DOT1L: variants seen among roughly 807,000 people sequenced by gnomAD.
DOT1L encodes DOT1 like histone lysine methyltransferase, also known as histone-lysine N-methyltransferase, H3 lysine-79 specific.
DOT1L carries 33 observed loss-of-function variants against 153.3 expected under a neutral mutation model. The ratio of observed to expected loss-of-function variants is 0.22; its 90% CI spans 0.16 to 0.29. DOT1L has a LOEUF of 0.29. DOT1L is among the 10% of genes least tolerant of loss of function. The pLI, the probability that DOT1L is intolerant of heterozygous loss-of-function variation, is 1.00. For synonymous variants in DOT1L, 1,135 were observed against 965.1 expected (o/e 1.18, Z -3.26); for missense variants, 1,847 against 2,119.9 (o/e 0.87, Z 2.53).
chr19:2,207,137 C>T lies in DOT1L; in HGVS notation c.856+340C>T, dbSNP rs2023529396. Among the ~76,000 whole-genome samples, 1 of 152,210 alleles carries T rather than the reference C, an allele frequency of 6.6e-6. No homozygotes were observed. The highest frequency in any genetic ancestry group is 2.4e-5 in the African/African-American group (1 of 41,460). On this transcript the variant is annotated intron_variant, in intron 10 of 27. Coordinates refer to ENST00000398665, the MANE Select transcript of DOT1L (RefSeq NM_032482.3). The surrounding 1 kb of genome is among the most constrained non-coding windows in gnomAD (Gnocchi z 4.5). Reference sequence around the variant, plus strand: ...AGACAGGCCCACGGTGGGAAGGAGCCGGCCCCTCCCATGCCCCCTGCCTGC... The same window carrying T: ...AGACAGGCCCACGGTGGGAAGGAGCTGGCCCCTCCCATGCCCCCTGCCTGC...
chr19:2,180,884 G>T lies in DOT1L; in HGVS notation c.125+128G>T, dbSNP rs559530300. ...GGACTCCTGGAGGTGTTGTGAAGCG[G>T]ATCAGGGGTGACTCAGGGACGGGTA... On this transcript the variant is annotated intron_variant, in intron 2 of 27. Coordinates refer to ENST00000398665, the MANE Select transcript of DOT1L (RefSeq NM_032482.3). 1.0e-4 allele frequency: 111 copies of T among 1,108,538 alleles called. 2 individuals are homozygous for T. In the African/African-American group the frequency reaches 1.5e-3, roughly 15 times the overall value. 68.7% of individuals were successfully genotyped at this position (1,108,538 alleles called of 1,614,324 possible).
chr19:2,225,428 T>C lies in DOT1L; in HGVS notation c.3637T>C (p.Ser1213Pro). ...KIATISLESK[S>P]PPKTLENGGG... ...TGCAACAATCTCCTTAGAAAGCAAATCTCCCCCGAAAACCTTGGAAAATGG... is the reference window on the plus strand; with the variant it reads ...TGCAACAATCTCCTTAGAAAGCAAACCTCCCCCGAAAACCTTGGAAAATGG... The change falls in exon 26 of 28, where the codon TCT (serine) becomes CCT (proline). Residue 1213 changes from serine to proline, a missense_variant. Ser to Pro is a moderately conservative substitution (Grantham distance 74, BLOSUM62 -1). Transcript: ENST00000398665. 1.2e-6 allele frequency: 2 copies of C among 1,614,122 alleles called. No individual in the cohort carries two copies. Among genetic ancestry groups the C allele is most frequent in the African/African-American group, 1.3e-5 (1 of 75,022 alleles).
chr19:2,164,509 G>C, intron 1 of DOT1L: 1 of 309,282 alleles, frequency 3.2e-6, no homozygotes, highest in Non-Finnish European at 5.9e-6. Context: ...GCCCTACCGC[G>C]GTGCCGTTGC....
rs1412079652 is a variant in DOT1L, at chr19:2,229,779, C to T, written c.4607-6C>T. On this transcript the variant is annotated splice_polypyrimidine_tract_variant and splice_region_variant and intron_variant, in intron 27 of 27. Coordinates refer to ENST00000398665, the MANE Select transcript of DOT1L (RefSeq NM_032482.3). ...AGGCCGCTCTTCCCGCTGTGCCCTT[C>T]TGCAGGTAACTAGGATTTCTACCTC... 1 of 1,613,336 alleles carries T rather than the reference C, an allele frequency of 6.2e-7. No homozygotes were observed. Among genetic ancestry groups the T allele is most frequent in the Middle Eastern group, 1.6e-4 (1 of 6,062 alleles).
rs758124160 is a variant in DOT1L at position 2,210,862 on chromosome 19, C to A, written c.1351+7C>A. The A allele has an allele frequency of 3.1e-6, 5 of 1,610,850 alleles. No homozygotes were observed. The East Asian group carries it at 1.1e-4, about 36-fold the overall frequency. On this transcript the variant is annotated splice_region_variant and intron_variant, in intron 14 of 27. Coordinates refer to ENST00000398665, the MANE Select transcript of DOT1L (RefSeq NM_032482.3). ...GCGGCCTCCTCACCCCAGGGTGAGC[C>A]GCCCCCACGCCACGGCCCCCGCTCT... is the stretch of plus-strand genomic sequence containing the variant.
Position 2,207,726 on chromosome 19 carries a change from C to G in DOT1L, c.963+46C>G. The G allele has an allele frequency of 2.0e-6, 3 of 1,513,068 alleles. No individual in the cohort carries two copies. Among genetic ancestry groups the G allele is most frequent in the Non-Finnish European group, 2.7e-6 (3 of 1,113,594 alleles). The allele number at this position is 1,513,068 out of a possible 1,614,324, so 93.7% of individuals were successfully genotyped here. ...CAGCCGCAGGGCCGTCCTGGTCTTC[C>G]ACCCCGCCCACGTCACACTGCTCTC... On this transcript the variant is annotated intron_variant, in intron 11 of 27. Coordinates refer to ENST00000398665, the MANE Select transcript of DOT1L (RefSeq NM_032482.3). This position sits in a 1 kb window ranked among gnomAD's most constrained non-coding sequence, Gnocchi z 4.5.
chr19:2,175,482 A>C (rs1344885429), intron 1 of DOT1L, among the ~76,000 whole-genome samples: 1 of 152,166 alleles, frequency 6.6e-6, no homozygotes, highest in Non-Finnish European at 1.5e-5. Context: ...ATAAATTTTC[A>C]TAACTTATTT....
chr19:2,221,831 G>C, intron 23 of DOT1L, 145 bp from the exon 24 acceptor site: 3 of 833,126 alleles, frequency 3.6e-6, no homozygotes, highest in Non-Finnish European at 3.6e-6. Flanking sequence ...CCACCCCAGA[G>C]GGGCCGTTTT....
chr19:2,216,101 C>G (rs1456614902), intron 19 of DOT1L, 180 bp from the exon 20 acceptor site: 1 of 817,854 alleles, frequency 1.2e-6, no homozygotes, highest in East Asian at 2.7e-5. Flanking sequence ...CTCCACATGA[C>G]TTTATTTGAC....
rs2024551998 is a variant in DOT1L at position 2,230,468 on chromosome 19, A to T, written c.*676A>T. 5.0e-6 allele frequency: 2 copies of T among 399,030 alleles called. No individual in the cohort carries two copies. Among genetic ancestry groups the T allele is most frequent in the Non-Finnish European group, 8.8e-6 (2 of 226,468 alleles). The allele number at this position is 399,030 out of a possible 1,614,324, so 24.7% of individuals were successfully genotyped here. On this transcript the variant is annotated 3_prime_UTR_variant, in exon 28 of 28. Coordinates refer to ENST00000398665, the MANE Select transcript of DOT1L (RefSeq NM_032482.3). ...TGTGAAGGGGCCTGCGCGGTGACGC[A>T]GCTGGCCATGTGCTGCGCGATGGTG...
rs1473025203 is a variant in DOT1L, at chr19:2,174,956, A to ATG, written c.82-5756_82-5755insGT. Among the ~76,000 whole-genome samples, 228 of 100,558 alleles carry ATG rather than the reference A, an allele frequency of 2.3e-3. 1 individual carries two copies. The highest frequency in any genetic ancestry group is 6.3e-3 in the Admixed American group (58 of 9,184). The allele number at this position is 100,558 out of a possible 152,430, so 66.0% of individuals were successfully genotyped here. ...CTGATCTCTTTTTAAGTTTTTAAAT[A>ATG]TATGTGTGTGTGTGTGTGTGTGTGT... On this transcript the variant is annotated intron_variant, in intron 1 of 27. Coordinates refer to ENST00000398665, the MANE Select transcript of DOT1L (RefSeq NM_032482.3).
intron 2 of DOT1L, among the ~76,000 whole-genome samples, chr19:2,182,857 G>C (rs757980147): frequency 7.9e-5 from 12 of 152,206 alleles, no homozygotes; most frequent in Non-Finnish European, 1.6e-4. Context: ...TGACTGTCTT[G>C]TTTGAACCTT....
rs763153344 is a variant in DOT1L, at chr19:2,214,494, G to A, written c.1821G>A (p.Leu607=). Residue 607 remains leucine, a synonymous_variant, in exon 19 of 28, where the codon CTG becomes CTA. Coordinates refer to ENST00000398665, the MANE Select transcript of DOT1L (RefSeq NM_032482.3). The part of the protein sequence containing the change: ...LQLLKARCEE[L]QLDWATLSLE... ...AGCTCAAGGCTCGCTGCGAGGAGCT[G>A]CAGCTGGACTGGGCCACGCTGTCGC... The A allele has an allele frequency of 3.7e-6, 6 of 1,613,080 alleles. No individual in the cohort carries two copies. Among genetic ancestry groups the A allele is most frequent in the Non-Finnish European group, 4.2e-6 (5 of 1,179,888 alleles).
chr19:2,174,357 G>T (rs2021801889), intron 1 of DOT1L, among the ~76,000 whole-genome samples: 1 of 152,236 alleles, frequency 6.6e-6, no homozygotes, highest in Non-Finnish European at 1.5e-5. Context: ...TTGGGCCAGG[G>T]CCTGTGTGGA....
chr19:2,176,880 CT>C (rs1441062701), intron 1 of DOT1L, among the ~76,000 whole-genome samples: 2 of 152,154 alleles, frequency 1.3e-5, no homozygotes, highest in African/African-American at 4.8e-5. Flanking sequence ...GGAATTCCAG[CT>C]TGAGGAGGGA....
At position 2,191,070 on chromosome 19, in the gene DOT1L, G is replaced by A. The variant is rs746714270; in HGVS notation, c.323G>A (p.Arg108His). The A allele has an allele frequency of 6.2e-7, 1 of 1,612,060 alleles. No homozygotes were observed. Among genetic ancestry groups the A allele is most frequent in the Non-Finnish European group, 8.5e-7 (1 of 1,179,692 alleles). The change falls in exon 5 of 28, where the codon CGC (arginine) becomes CAC (histidine). Residue 108 changes from arginine (R) to histidine (H), a missense_variant. By Grantham distance (29) the Arg-to-His change is conservative. Around this residue, in one of 8 missense-constraint regions of DOT1L, gnomAD observed 148 missense variants for 422.3 expected, o/e 0.35. Transcript: ENST00000398665. The surrounding 1 kb of genome is among the most constrained non-coding windows in gnomAD (Gnocchi z 6.8). ...LNTRPSTGLL[R>H]HILQQVYNHS... Reference sequence around the variant, plus strand: ...ACGCGGCCGTCCACTGGACTCCTGCGCCATATCCTGCAGCAGGTCTACAAC... The same window carrying A: ...ACGCGGCCGTCCACTGGACTCCTGCACCATATCCTGCAGCAGGTCTACAAC...
intron 14 of DOT1L, 90 bp from the exon 15 acceptor site, chr19:2,211,009 G>A (rs2023691539): frequency 1.4e-6 from 2 of 1,472,726 alleles, no homozygotes; most frequent in African/African-American, 2.8e-5. Context: ...CCCATCCTAA[G>A]GGGTTGCTGG....
At chr19:2,181,756 G>GC (rs1300554781) in intron 2 of DOT1L, among the ~76,000 whole-genome samples, 1 of 147,500 alleles carries the variant, frequency 6.8e-6, no homozygotes, top group African/African-American at 2.5e-5. Context: ...CCCAGCCCCC[G>GC]CCCAGCACCA....
intron 2 of DOT1L, among the ~76,000 whole-genome samples, chr19:2,185,305 C>T (rs2022441407): frequency 6.6e-6 from 1 of 152,176 alleles, no homozygotes; most frequent in Admixed American, 6.5e-5. Context: ...ACTTAGGTCC[C>T]CAGAGCCACT....
Sources: allele counts gnomAD v4.1 joint callset (sites outside exome capture counted in the v4.1 genomes callset), GRCh38; gene constraint gnomAD v4.1.1; regional missense constraint gnomAD v4.1.1; non-coding constraint Gnocchi (gnomAD v3.1); transcripts MANE v1.5; gene names NCBI Gene and HGNC (gene_info 2026-07-23, HGNC 2026-07-21).